CRTAC1: variants seen among roughly 807,000 people sequenced by gnomAD.
CRTAC1 encodes the protein acidic secreted protein in cartilage.
A neutral mutation model predicts 67.8 loss-of-function variants in CRTAC1; 37 were observed. The ratio of observed to expected loss-of-function variants is 0.55; its 90% CI spans 0.42 to 0.72. The LOEUF (loss-of-function observed/expected upper bound fraction) is 0.72. CRTAC1 is among the 30% of genes least tolerant of loss of function. The pLI is 0.00. For synonymous variants in CRTAC1, 348 were observed against 371.0 expected (o/e 0.94, Z 0.71); for missense variants, 780 against 931.6 (o/e 0.84, Z 2.12).
chr10:97,924,447 G>T (rs1330862102), intron 3 of CRTAC1, among the ~76,000 whole-genome samples: 1 of 152,166 alleles, frequency 6.6e-6, no homozygotes, highest in Non-Finnish European at 1.5e-5. Context: ...CTGGGCCAGG[G>T]AAGAGGCAGC....
intron 2 of CRTAC1, among the ~76,000 whole-genome samples, chr10:97,987,704 C>T (rs2052005302): frequency 6.6e-6 from 1 of 152,252 alleles, no homozygotes; most frequent in African/African-American, 2.4e-5. Flanking sequence ...AGAATGTCAG[C>T]TCCATGACAG....
chr10:98,015,515 G>A (rs1842980401), intron 1 of CRTAC1, among the ~76,000 whole-genome samples: 1 of 152,130 alleles, frequency 6.6e-6, no homozygotes, highest in Admixed American at 6.5e-5. Context: ...TATGTTCTGT[G>A]TATTTCATCA....
At chr10:97,871,018 G>T (rs753443776) in intron 14 of CRTAC1, 12 of 152,180 alleles carry the variant, frequency 7.9e-5, no homozygotes, top group Non-Finnish European at 1.6e-4. Flanking sequence ...GAATGTGCTT[G>T]GCATGAAAGA....
At chr10:98,003,942 C>T (rs965250268) in intron 2 of CRTAC1, among the ~76,000 whole-genome samples, 10 of 152,154 alleles carry the variant, frequency 6.6e-5, no homozygotes, top group African/African-American at 2.2e-4. Context: ...GAAGGAGGTA[C>T]GGATGCGGCA....
intron 7 of CRTAC1, among the ~76,000 whole-genome samples, chr10:97,903,160 A>G (rs560146176): frequency 6.7e-6 from 1 of 150,162 alleles, no homozygotes; most frequent in South Asian, 2.2e-4. Context: ...CTTCGGAAGA[A>G]TTAACAGGGT....
intron 2 of CRTAC1, among the ~76,000 whole-genome samples, chr10:97,971,594 C>T (rs1282224242): frequency 6.6e-6 from 1 of 152,156 alleles, no homozygotes; most frequent in Non-Finnish European, 1.5e-5. Context: ...ATGATGGTTG[C>T]ACAACAACGT....
chr10:97,910,851 G>A (rs1032792412), intron 5 of CRTAC1, among the ~76,000 whole-genome samples: 1 of 152,204 alleles, frequency 6.6e-6, no homozygotes, highest in African/African-American at 2.4e-5. Flanking sequence ...TGGGCTGGAT[G>A]CCTCCCAGAT....
intron 2 of CRTAC1, among the ~76,000 whole-genome samples, chr10:97,989,116 T>G (rs1045253866): frequency 3.9e-5 from 6 of 152,212 alleles, no homozygotes; most frequent in Non-Finnish European, 5.9e-5. Flanking sequence ...ATTTACATCA[T>G]TGGCTCCCCT....
chr10:97,890,898 C>G (rs1054105971), intron 11 of CRTAC1, among the ~76,000 whole-genome samples: 1 of 152,200 alleles, frequency 6.6e-6, no homozygotes, highest in African/African-American at 2.4e-5. Flanking sequence ...AACTCCTGAC[C>G]TCAGGTGATC....
intron 4 of CRTAC1, among the ~76,000 whole-genome samples, chr10:97,919,394 T>A (rs1396536778): frequency 1.3e-5 from 2 of 152,000 alleles, no homozygotes; most frequent in Non-Finnish European, 2.9e-5. Context: ...CAAGTAGAGA[T>A]GAGAAAGAGG....
At chr10:97,955,933 T>A (rs530386040) in intron 2 of CRTAC1, among the ~76,000 whole-genome samples, 8 of 152,352 alleles carry the variant, frequency 5.3e-5, no homozygotes, top group African/African-American at 1.9e-4. Context: ...ATATCTTTGA[T>A]AATCACACAG....
intron 2 of CRTAC1, among the ~76,000 whole-genome samples, chr10:97,946,245 T>C (rs2051261937): frequency 6.6e-6 from 1 of 152,206 alleles, no homozygotes; most frequent in Non-Finnish European, 1.5e-5. Flanking sequence ...GAGAAATGTA[T>C]TGGCTTAAAT....
chr10:97,880,729 C>T (rs1357218227), intron 13 of CRTAC1, among the ~76,000 whole-genome samples: 1 of 152,192 alleles, frequency 6.6e-6, no homozygotes, highest in Non-Finnish European at 1.5e-5. Flanking sequence ...CCATGACCTA[C>T]TTGACAGCTC....
chr10:97,953,525 C>T (rs1445692265), intron 2 of CRTAC1, among the ~76,000 whole-genome samples: 1 of 152,116 alleles, frequency 6.6e-6, no homozygotes. Context: ...TTAATCCAGC[C>T]CTGACCTTGG....
At chr10:97,889,523 G>C (rs1474933621) in intron 11 of CRTAC1, among the ~76,000 whole-genome samples, 1 of 151,966 alleles carries the variant, frequency 6.6e-6, no homozygotes, top group African/African-American at 2.4e-5. Flanking sequence ...CGCTATGAGA[G>C]CTCTGCACAA....
intron 1 of CRTAC1, 141 bp from the exon 2 acceptor site, chr10:98,011,478 C>T: frequency 1.1e-6 from 1 of 883,414 alleles, no homozygotes; most frequent in Non-Finnish European, 1.7e-6. Context: ...TGGCTTTCCA[C>T]AAGCCCTGCC....
At chr10:98,027,247 G>C (rs899033345) in intron 1 of CRTAC1, among the ~76,000 whole-genome samples, 20 of 151,990 alleles carry the variant, frequency 1.3e-4, no homozygotes, top group Non-Finnish European at 2.8e-4. Context: ...CTCAGATGTC[G>C]ACAGCCAGGC....
chr10:97,896,640 G>GC (rs1173014962), intron 9 of CRTAC1, among the ~76,000 whole-genome samples: 1 of 152,114 alleles, frequency 6.6e-6, no homozygotes, highest in Non-Finnish European at 1.5e-5. Context: ...AGAAGCTCCT[G>GC]CCCACAGACC....
chr10:97,942,009 C>A (rs1171582368), intron 2 of CRTAC1, among the ~76,000 whole-genome samples: 1 of 152,194 alleles, frequency 6.6e-6, no homozygotes, highest in Non-Finnish European at 1.5e-5. Context: ...CACTCTCTTG[C>A]AGAATTGCTC....
Sources: gnomAD v4.1 joint callset for allele counts (sites outside exome capture counted in the v4.1 genomes callset) on GRCh38, gnomAD v4.1.1 for gene constraint, MANE v1.5 for transcripts, NCBI Gene and HGNC (gene_info 2026-07-23, HGNC 2026-07-21) for gene names.